Variants in SCEL observed in about 807,000 individuals in gnomAD.
The protein encoded by SCEL is sciellin.
SCEL carries 113 observed loss-of-function variants against 117.6 expected under a neutral mutation model. The ratio of observed to expected loss-of-function variants is 0.96; its 90% CI spans 0.83 to 1.12. The LOEUF (loss-of-function observed/expected upper bound fraction) is 1.12. Ranked by LOEUF, SCEL falls within the 50% of genes most tolerant of loss-of-function variation. The pLI is 0.00. For missense variants in SCEL, 785 were observed against 810.8 expected (o/e 0.97, Z 0.39); for synonymous variants, 270 against 256.2 (o/e 1.05, Z -0.51).
chr13:77,592,594 T>C, intron 11 of SCEL, among the ~76,000 whole-genome samples: 1 of 148,518 alleles, frequency 6.7e-6, no homozygotes, highest in Non-Finnish European at 1.5e-5. Flanking sequence ...GATCTTGCTC[T>C]GTCACCCAGG....
intron 13 of SCEL, among the ~76,000 whole-genome samples, 169 bp downstream of exon 13, chr13:77,597,758 G>A (rs897253682): frequency 1.3e-5 from 2 of 151,830 alleles, no homozygotes; most frequent in East Asian, 3.8e-4. Context: ...TATGATGAAT[G>A]GTTATTAAAG....
intron 4 of SCEL, among the ~76,000 whole-genome samples, chr13:77,562,866 C>A (rs1276758017): frequency 1.3e-5 from 2 of 152,158 alleles, no homozygotes; most frequent in African/African-American, 4.8e-5. Context: ...AAAATTAAAT[C>A]TTTAGTATCT....
chr13:77,565,126 T>A (rs2085215202), intron 5 of SCEL, among the ~76,000 whole-genome samples: 2 of 152,216 alleles, frequency 1.3e-5, no homozygotes, highest in Admixed American at 6.5e-5. Flanking sequence ...GCTGTGCATC[T>A]GAACGTTTAT....
intron 9 of SCEL, among the ~76,000 whole-genome samples, chr13:77,584,345 C>T (rs529694159): frequency 9.8e-5 from 15 of 152,306 alleles, no homozygotes; most frequent in African/African-American, 3.6e-4. Context: ...CAAATGAAAG[C>T]TCCTTTGAGG....
chr13:77,593,073 G>T (rs973388574), intron 11 of SCEL, among the ~76,000 whole-genome samples: 36 of 152,052 alleles, frequency 2.4e-4, no homozygotes, highest in Non-Finnish European at 4.4e-4. Context: ...AATGCTGCTT[G>T]GTTCTGGTAG....
intron 28 of SCEL, among the ~76,000 whole-genome samples, chr13:77,633,877 T>C (rs1274572408): frequency 6.6e-6 from 1 of 152,226 alleles, no homozygotes; most frequent in African/African-American, 2.4e-5. Flanking sequence ...GATAGGAAAT[T>C]ATCAAACGTG....
chr13:77,615,006 G>A (rs2088920435), intron 24 of SCEL, among the ~76,000 whole-genome samples: 1 of 152,106 alleles, frequency 6.6e-6, no homozygotes, highest in Non-Finnish European at 1.5e-5. Flanking sequence ...GCACAGAGAT[G>A]TTACACCAAG....
At position 77,568,349 on chromosome 13, in the gene SCEL, A is replaced by G; in HGVS notation, c.398+16A>G. 3 of 1,479,088 alleles carry G rather than the reference A, an allele frequency of 2.0e-6. No individual in the cohort carries two copies. Among genetic ancestry groups the G allele is most frequent in the Non-Finnish European group, 2.8e-6 (3 of 1,065,790 alleles). 91.6% of individuals were successfully genotyped at this position (1,479,088 alleles called of 1,614,324 possible). ...TAACAAAGTTGTATGTATTCTTTCTAATTGTAGTATATTTCTTTTTATGTA... is the reference window on the plus strand; with the variant it reads ...TAACAAAGTTGTATGTATTCTTTCTGATTGTAGTATATTTCTTTTTATGTA... On this transcript the variant is annotated intron_variant, in intron 7 of 32. Coordinates refer to ENST00000349847, the MANE Select transcript of SCEL (RefSeq NM_144777.3).
At chr13:77,599,462 C>A (rs2154401244) in intron 14 of SCEL, 74 bp downstream of exon 14, 1 of 1,270,268 alleles carries the variant, frequency 7.9e-7, no homozygotes, top group East Asian at 2.4e-5. Context: ...ACATTAGCTG[C>A]AAGGGGGTTG....
At chr13:77,556,461 T>A in intron 2 of SCEL, 135 bp from the exon 3 acceptor site, 1 of 698,914 alleles carries the variant, frequency 1.4e-6, no homozygotes, top group South Asian at 1.7e-5. Context: ...GCATCCTACT[T>A]TGAAACAGTA....
intron 15 of SCEL, among the ~76,000 whole-genome samples, chr13:77,600,195 C>T (rs963253196): frequency 1.3e-5 from 2 of 152,048 alleles, no homozygotes; most frequent in Non-Finnish European, 2.9e-5. Flanking sequence ...GAGGCCCTAC[C>T]TTGGCTCACT....
chr13:77,610,217 C>A, intron 22 of SCEL, 111 bp downstream of exon 22: 2 of 618,186 alleles, frequency 3.2e-6, no homozygotes, highest in East Asian at 3.4e-5. Flanking sequence ...GTTTAGGAGG[C>A]CGAGGCGGGA....
At chr13:77,612,456 C>CTT (rs71102764) in intron 22 of SCEL, among the ~76,000 whole-genome samples, 12 of 93,596 alleles carry the variant, frequency 1.3e-4, no homozygotes, top group Non-Finnish European at 2.1e-4. Context: ...TTTTTCTTTT[C>CTT]TTTTTTTTTT....
chr13:77,618,088 T>A (rs1291541971), intron 27 of SCEL, 28 bp downstream of exon 27: 1 of 1,578,040 alleles, frequency 6.3e-7, no homozygotes, highest in South Asian at 1.1e-5. Context: ...TCTTGACATG[T>A]TTACAAGTTT....
chr13:77,593,042 A>G (rs991703903), intron 11 of SCEL, among the ~76,000 whole-genome samples: 3 of 152,074 alleles, frequency 2.0e-5, no homozygotes, highest in Non-Finnish European at 2.9e-5. Context: ...ATAATTAATT[A>G]ATTAATTGTA....
chr13:77,600,670 T>C (rs2087605409), intron 15 of SCEL, among the ~76,000 whole-genome samples: 1 of 152,134 alleles, frequency 6.6e-6, no homozygotes, highest in African/African-American at 2.4e-5. Context: ...ACATGACTGA[T>C]ATTATTTTTC....
At chr13:77,582,853 T>C (rs560467214) in intron 9 of SCEL, among the ~76,000 whole-genome samples, 2 of 152,224 alleles carry the variant, frequency 1.3e-5, no homozygotes, top group East Asian at 3.9e-4. Context: ...TAGTTTTATG[T>C]TTGACATATA....
intron 1 of SCEL, among the ~76,000 whole-genome samples, chr13:77,543,081 G>GT (rs1659512724): frequency 3.7e-5 from 5 of 133,622 alleles, no homozygotes; most frequent in African/African-American, 1.5e-4. Flanking sequence ...TTCTACTTTA[G>GT]CTTTTTTTTT....
At chr13:77,624,369 G>C (rs181937273) in intron 27 of SCEL, among the ~76,000 whole-genome samples, 12 of 152,214 alleles carry the variant, frequency 7.9e-5, no homozygotes, top group Admixed American at 6.5e-4. Context: ...CTCCCAGAGT[G>C]CTGGGATTAC....
Sources: allele counts gnomAD v4.1 joint callset (sites outside exome capture counted in the v4.1 genomes callset), GRCh38; gene constraint gnomAD v4.1.1; transcripts MANE v1.5; gene names NCBI Gene and HGNC (gene_info 2026-07-23, HGNC 2026-07-21).